Variants in LEF1 observed in about 807,000 individuals in gnomAD.
LEF1 encodes the protein lymphoid enhancer-binding factor 1.
In LEF1, 14 loss-of-function variants were observed where a neutral mutation model predicts 51.2. That is an observed-to-expected ratio of 0.27 (90% CI 0.18 to 0.43). The LOEUF is 0.43. LEF1 is among the 20% of genes least tolerant of loss of function. LEF1 has a pLI of 1.00. For missense variants in LEF1, 386 were observed against 512.0 expected (o/e 0.75, Z 2.37); for synonymous variants, 185 against 183.2 (o/e 1.01, Z -0.08).
At chr4:108,131,618 T>C (rs536691749) in intron 3 of LEF1, among the ~76,000 whole-genome samples, 119 of 152,304 alleles carry the variant, frequency 7.8e-4, no homozygotes, top group Admixed American at 2.5e-3. Context: ...ACCCACCAAA[T>C]GCCTGTGTTT....
At chr4:108,092,534 C>T (rs1740091576) in intron 3 of LEF1, among the ~76,000 whole-genome samples, 1 of 152,194 alleles carries the variant, frequency 6.6e-6, no homozygotes, top group Admixed American at 6.5e-5. Flanking sequence ...CCCCTTGACA[C>T]TATGTGCACA....
Position 108,101,631 on chromosome 4 carries a change from G to A in LEF1, c.415-12374C>T, listed in dbSNP as rs77021103. 6.9e-4 allele frequency among the ~76,000 whole-genome samples: 105 copies of A among 152,270 alleles called. No individual in the cohort carries two copies. In the East Asian group the frequency reaches 9.1e-3, roughly 13 times the overall value. On this transcript the variant is annotated intron_variant, in intron 3 of 11. Transcript: ENST00000265165. ...CTGTGTACAACAACTTGGAGTTTGC[G>A]ACCCATGAGTATTGGATTCCTGCTA... is the stretch of plus-strand genomic sequence containing the variant.
intron 11 of LEF1, 143 bp from the exon 12 acceptor site, chr4:108,048,894 T>C (rs1206495568): frequency 3.2e-5 from 16 of 503,038 alleles, no homozygotes; most frequent in Non-Finnish European, 5.0e-5. Context: ...CTAAAATGAA[T>C]TGCCCTATCA....
At chr4:108,067,266 A>T (rs1738138905) in intron 9 of LEF1, among the ~76,000 whole-genome samples, 1 of 152,242 alleles carries the variant, frequency 6.6e-6, no homozygotes, top group Non-Finnish European at 1.5e-5. Context: ...AGCTTTCTTT[A>T]AAACTACTTT....
intron 1 of LEF1, chr4:108,166,910 G>A: frequency 1.4e-6 from 1 of 720,874 alleles, no homozygotes; most frequent in South Asian, 6.3e-5. Flanking sequence ...GCTCCCAGCT[G>A]CTAGCCCAGG....
At chr4:108,113,762 AAG>A (rs1741669033) in intron 3 of LEF1, among the ~76,000 whole-genome samples, 2 of 151,988 alleles carry the variant, frequency 1.3e-5, no homozygotes, top group South Asian at 4.1e-4. Flanking sequence ...AGAGAAAAGT[AAG>A]AGAGGCAAGG....
At chr4:108,139,756 CT>C (rs1321582466) in intron 3 of LEF1, among the ~76,000 whole-genome samples, 8 of 152,104 alleles carry the variant, frequency 5.3e-5, no homozygotes, top group Non-Finnish European at 8.8e-5. Context: ...ATTGAGTAAA[CT>C]AGTTTATTGT....
At chr4:108,059,648 T>G (rs924234384) in intron 11 of LEF1, among the ~76,000 whole-genome samples, 10 of 152,112 alleles carry the variant, frequency 6.6e-5, no homozygotes, top group Admixed American at 1.3e-4. Context: ...TCAACTTCCC[T>G]TCAGAATTGA....
At chr4:108,146,103 A>G (rs1743987004) in intron 3 of LEF1, among the ~76,000 whole-genome samples, 1 of 152,254 alleles carries the variant, frequency 6.6e-6, no homozygotes, top group East Asian at 1.9e-4. Context: ...ATCCCAATTA[A>G]ACAAAAGCCA....
At chr4:108,137,482 G>C (rs1743373091) in intron 3 of LEF1, among the ~76,000 whole-genome samples, 1 of 152,160 alleles carries the variant, frequency 6.6e-6, no homozygotes, top group Non-Finnish European at 1.5e-5. Flanking sequence ...GTTTTTATGT[G>C]ATAAAAATGC....
chr4:108,051,098 T>C (rs899266175), intron 11 of LEF1, among the ~76,000 whole-genome samples: 8 of 152,206 alleles, frequency 5.3e-5, no homozygotes, highest in Non-Finnish European at 8.8e-5. Context: ...AGAGTCTATA[T>C]CTCCTAATAA....
chr4:108,067,049 AG>A (rs1161069469), intron 9 of LEF1, among the ~76,000 whole-genome samples: 1 of 152,254 alleles, frequency 6.6e-6, no homozygotes, highest in Non-Finnish European at 1.5e-5. Context: ...ATCCCTGTAC[AG>A]TACTGTTATT....
At chr4:108,122,565 C>T (rs1742245389) in intron 3 of LEF1, among the ~76,000 whole-genome samples, 2 of 152,138 alleles carry the variant, frequency 1.3e-5, no homozygotes, top group South Asian at 4.2e-4. Context: ...GCAGCCTCGA[C>T]CTCTTGGGCT....
intron 3 of LEF1, among the ~76,000 whole-genome samples, chr4:108,153,519 C>T (rs771884522): frequency 2.0e-5 from 3 of 152,106 alleles, no homozygotes; most frequent in Non-Finnish European, 4.4e-5. Flanking sequence ...AATTATCAGC[C>T]TCAAAACACT....
At chr4:108,150,044 T>G (rs1288168044) in intron 3 of LEF1, among the ~76,000 whole-genome samples, 1 of 152,142 alleles carries the variant, frequency 6.6e-6, no homozygotes, top group Non-Finnish European at 1.5e-5. Flanking sequence ...CTTCACTTTT[T>G]AAAGGAAACT....
rs758945900 is a variant in LEF1, at chr4:108,063,568, G to A, written c.*6+55C>T. On this transcript the variant is annotated intron_variant, in intron 11 of 11. Coordinates refer to ENST00000265165, the MANE Select transcript of LEF1 (RefSeq NM_016269.5). ...TATGAGCAAGAAGATTCACAAGCAA[G>A]TGCCTCTTTTTATAACAACTAACGT... is the stretch of plus-strand genomic sequence containing the variant. The A allele has an allele frequency of 8.9e-6, 12 of 1,344,254 alleles. No homozygotes were observed. In the Admixed American group the frequency reaches 1.2e-4, roughly 14 times the overall value. 83.3% of individuals were successfully genotyped at this position (1,344,254 alleles called of 1,614,324 possible).
rs1736728612 is a variant in LEF1 at position 108,048,002 on chromosome 4, A to T, written c.*756T>A. The T allele has an allele frequency of 6.6e-6, 1 of 152,664 alleles. No homozygotes were observed. Among genetic ancestry groups the T allele is most frequent in the Admixed American group, 6.5e-5 (1 of 15,282 alleles). 9.5% of individuals were successfully genotyped at this position (152,664 alleles called of 1,614,324 possible). ...AACACCTTACAAGGGCGGAGAAGCC[A>T]CTATGTGTTACAGGCAATTCACAGA... On this transcript the variant is annotated 3_prime_UTR_variant, in exon 12 of 12. Transcript: ENST00000265165.
intron 8 of LEF1, chr4:108,072,883 A>C (rs1738579748): frequency 6.6e-6 from 1 of 152,088 alleles, no homozygotes; most frequent in African/African-American, 2.4e-5. Context: ...CTGGATACAA[A>C]AGGAAACATC....
At position 108,130,057 on chromosome 4, in the gene LEF1, A is replaced by G. The variant is rs1481940507; in HGVS notation, c.414+33511T>C. Among the ~76,000 whole-genome samples, 4 of 152,316 alleles carry G rather than the reference A, an allele frequency of 2.6e-5. No homozygotes were observed. The East Asian group carries it at 7.7e-4, about 29-fold the overall frequency. On this transcript the variant is annotated intron_variant, in intron 3 of 11. Coordinates refer to ENST00000265165, the MANE Select transcript of LEF1 (RefSeq NM_016269.5). Reference sequence around the variant, plus strand: ...TCCCATTTTTCATTTCTTTTCTTCCATAAGATCAATTCCAATAATCACCTA... The same window carrying G: ...TCCCATTTTTCATTTCTTTTCTTCCGTAAGATCAATTCCAATAATCACCTA...
Sources: allele counts gnomAD v4.1 joint callset (sites outside exome capture counted in the v4.1 genomes callset), GRCh38; gene constraint gnomAD v4.1.1; transcripts MANE v1.5; gene names NCBI Gene and HGNC (gene_info 2026-07-23, HGNC 2026-07-21).